Variants in EEPD1 observed in about 807,000 individuals in gnomAD.
EEPD1 encodes the protein endonuclease/exonuclease/phosphatase family domain containing 1.
In EEPD1, 17 loss-of-function variants were observed where a neutral mutation model predicts 46.3. That is an observed-to-expected ratio of 0.37 (90% CI 0.25 to 0.55). The LOEUF (loss-of-function observed/expected upper bound fraction) is 0.55. EEPD1 is among the 20% of genes least tolerant of loss of function. The pLI is 0.83. For missense variants in EEPD1, 673 were observed against 745.6 expected, an observed-to-expected ratio of 0.90 and a Z score of 1.13; for synonymous variants, 313 against 315.6, an observed-to-expected ratio of 0.99 and a Z score of 0.09.
intron 2 of EEPD1, among the ~76,000 whole-genome samples, chr7:36,219,806 A>AGAGAGAGAGAGAGAGTGTGTGTGT (rs1341203087): frequency 2.7e-5 from 2 of 75,400 alleles, no homozygotes; most frequent in African/African-American, 4.6e-5. Flanking sequence ...AGAGAGAGAG[A>AGAGAGAGAGAGAGAGTGTGTGTGT]GTGTGTGTGT....
At chr7:36,255,893 C>G (rs898469978) in intron 3 of EEPD1, among the ~76,000 whole-genome samples, 1 of 151,980 alleles carries the variant, frequency 6.6e-6, no homozygotes, top group Non-Finnish European at 1.5e-5. Context: ...GCTCATGCTT[C>G]TCTAGTTCTT....
At chr7:36,254,065 TTTTAA>T (rs1786792053) in intron 3 of EEPD1, among the ~76,000 whole-genome samples, 1 of 152,224 alleles carries the variant, frequency 6.6e-6, no homozygotes, top group South Asian at 2.1e-4. Context: ...ATTTAAATTA[TTTTAA>T]TAATTTTTAA....
chr7:36,156,811 A>C (rs1436591285), intron 2 of EEPD1, among the ~76,000 whole-genome samples: 1 of 152,178 alleles, frequency 6.6e-6, no homozygotes, highest in East Asian at 1.9e-4. Context: ...AAAGTTTGAG[A>C]ACCATTGTAC....
At chr7:36,279,672 G>A (rs1008332348) in intron 3 of EEPD1, among the ~76,000 whole-genome samples, 3 of 152,330 alleles carry the variant, frequency 2.0e-5, no homozygotes, top group South Asian at 2.1e-4. Flanking sequence ...GGACCTGGGC[G>A]GCCACAGCAG....
rs1174765038 is a variant in EEPD1 at position 36,178,703 on chromosome 7, A to C, written c.878+23501A>C. Among the ~76,000 whole-genome samples the C allele has an allele frequency of 3.3e-5, 5 of 152,260 alleles. No individual in the cohort carries two copies. The East Asian group carries it at 9.7e-4, about 29-fold the overall frequency. ...TTGTAATTACCATGAACACCTGTGC[A>C]CCATCATGAGTCCCATGAGGCAGGG... is the stretch of plus-strand genomic sequence containing the variant. On this transcript the variant is annotated intron_variant, in intron 2 of 7. Transcript: ENST00000242108.
chr7:36,200,973 A>C (rs1448407953), intron 2 of EEPD1, among the ~76,000 whole-genome samples: 1 of 152,246 alleles, frequency 6.6e-6, no homozygotes, highest in Non-Finnish European at 1.5e-5. Context: ...ACCTGAGTTA[A>C]CATCACCTGT....
intron 3 of EEPD1, among the ~76,000 whole-genome samples, chr7:36,245,227 C>T (rs1786619138): frequency 6.6e-6 from 1 of 152,140 alleles, no homozygotes; most frequent in Non-Finnish European, 1.5e-5. Context: ...GGATTACAGA[C>T]ATGAGCTACC....
At chr7:36,157,244 A>G (rs910327354) in intron 2 of EEPD1, among the ~76,000 whole-genome samples, 2 of 152,202 alleles carry the variant, frequency 1.3e-5, no homozygotes, top group African/African-American at 4.8e-5. Flanking sequence ...TACAACTGTC[A>G]TTTTTATTTT....
At chr7:36,238,924 T>C in intron 2 of EEPD1, 61 bp from the exon 3 acceptor site, 1 of 1,527,452 alleles carries the variant, frequency 6.5e-7, no homozygotes, top group Non-Finnish European at 8.8e-7. Context: ...ACTTGTTAGA[T>C]GATCCTTGGT....
chr7:36,191,354 G>A (rs970987515), intron 2 of EEPD1, among the ~76,000 whole-genome samples: 3 of 152,242 alleles, frequency 2.0e-5, no homozygotes, highest in African/African-American at 4.8e-5. Context: ...CAGCTGGACA[G>A]ATAAGCATGG....
intron 2 of EEPD1, among the ~76,000 whole-genome samples, chr7:36,199,876 C>T (rs1022823833): frequency 6.6e-6 from 1 of 152,160 alleles, no homozygotes; most frequent in Non-Finnish European, 1.5e-5. Context: ...GTGAGCTCCC[C>T]CTCCAACCTG....
intron 2 of EEPD1, among the ~76,000 whole-genome samples, chr7:36,170,918 C>A (rs1276581968): frequency 1.3e-5 from 2 of 151,938 alleles, no homozygotes; most frequent in African/African-American, 4.8e-5. Flanking sequence ...TTCCATGCTT[C>A]TTTTGTTTTG....
At chr7:36,297,282 A>G (rs898564354) in intron 7 of EEPD1, 95 bp downstream of exon 7, 1 of 1,344,668 alleles carries the variant, frequency 7.4e-7, no homozygotes, top group South Asian at 1.4e-5. Flanking sequence ...CCTCTGAGGC[A>G]TACATAGGAT....
At chr7:36,185,432 T>C (rs940929669) in intron 2 of EEPD1, among the ~76,000 whole-genome samples, 2 of 152,254 alleles carry the variant, frequency 1.3e-5, no homozygotes, top group Non-Finnish European at 2.9e-5. Flanking sequence ...TCCAGTTTTT[T>C]GTTATTACAA....
At chr7:36,246,014 T>G (rs905499680) in intron 3 of EEPD1, among the ~76,000 whole-genome samples, 2 of 152,226 alleles carry the variant, frequency 1.3e-5, no homozygotes, top group South Asian at 2.1e-4. Flanking sequence ...ACAGCTTGAT[T>G]TAGAAAGATC....
intron 3 of EEPD1, among the ~76,000 whole-genome samples, chr7:36,251,676 T>C (rs1275475630): frequency 6.6e-6 from 1 of 152,096 alleles, no homozygotes; most frequent in Non-Finnish European, 1.5e-5. Context: ...CCTCCTCGAC[T>C]CTCCTTAACT....
rs201317532 is a variant in EEPD1 at position 36,239,055 on chromosome 7, C to T, written c.930+19C>T. The T allele has an allele frequency of 2.5e-5, 41 of 1,610,644 alleles. No homozygotes were observed. Among genetic ancestry groups the T allele is most frequent in the South Asian group, 1.0e-4 (9 of 90,186 alleles). On this transcript the variant is annotated intron_variant, in intron 3 of 7. Transcript: ENST00000242108. The stretch of plus-strand genomic sequence containing the variant: ...GGAAAAGGTAAATATTTTACTCTTC[C>T]TTCCACATTCACAAACCAAGAACGG...
rs1378127484 is a variant in EEPD1 at position 36,154,586 on chromosome 7, G to A, written c.262G>A (p.Ala88Thr). The change falls in exon 2 of 8, where the codon GCC (alanine) becomes ACC (threonine). Residue 88 changes from alanine (A) to threonine (T), a missense_variant. Ala to Thr is a moderately conservative substitution (Grantham distance 58, BLOSUM62 0). Transcript: ENST00000242108. This position sits in a 1 kb window ranked among gnomAD's most constrained non-coding sequence, Gnocchi z 4.2. ...CCTGGCATTGGTCAGTGGTGTAGGCGCCACCAAGCTGGAGCAGGTCAAGTT... is the reference window on the plus strand; with the variant it reads ...CCTGGCATTGGTCAGTGGTGTAGGCACCACCAAGCTGGAGCAGGTCAAGTT... Reference protein sequence around the residue: ...EDLALVSGVGATKLEQVKFEI... With the variant: ...EDLALVSGVGTTKLEQVKFEI... The A allele has an allele frequency of 6.2e-7, 1 of 1,614,052 alleles. No individual in the cohort carries two copies.
At chr7:36,262,202 T>C (rs1352576465) in intron 3 of EEPD1, among the ~76,000 whole-genome samples, 5 of 152,172 alleles carry the variant, frequency 3.3e-5, no homozygotes, top group Non-Finnish European at 7.3e-5. Flanking sequence ...TAGCCTGGCA[T>C]AGTGGCTCAC....
Sources: allele counts gnomAD v4.1 joint callset (sites outside exome capture counted in the v4.1 genomes callset), GRCh38; gene constraint gnomAD v4.1.1; non-coding constraint Gnocchi (gnomAD v3.1); transcripts MANE v1.5; gene names NCBI Gene and HGNC (gene_info 2026-07-23, HGNC 2026-07-21).